The following DIS3L2 variants were observed in gnomAD, a reference collection of about 807,000 sequenced individuals.
The protein encoded by DIS3L2 is DIS3 like 3'-5' exoribonuclease 2.
Under a neutral mutation model 97.5 loss-of-function variants are expected in DIS3L2, and 34 were observed. The observed-to-expected ratio is 0.35, with a 90% CI of 0.27 to 0.46. The LOEUF (loss-of-function observed/expected upper bound fraction) is 0.46, where lower values mean the gene tolerates loss of function less well. Ranked by LOEUF, DIS3L2 falls within the 20% of genes least tolerant of loss-of-function variation. The pLI is 1.00. For missense variants in DIS3L2, 1,038 were observed against 1,146.0 expected (o/e 0.91, Z 1.36); for synonymous variants, 435 against 445.2 (o/e 0.98, Z 0.29).
rs1693536840 is a variant in DIS3L2, at chr2:232,255,526, G to A, written c.1425+6180G>A. Among the ~76,000 whole-genome samples the A allele has an allele frequency of 2.0e-5, 3 of 152,192 alleles. No individual in the cohort carries two copies. The South Asian group carries it at 6.2e-4, about 32-fold the overall frequency. On this transcript the variant is annotated intron_variant, in intron 12 of 20. Transcript: ENST00000325385. ...ACACTCACAAGAAAATCTTGGACAT[G>A]TATGCATTCATTAAGCTAGTGCTCA...
intron 10 of DIS3L2, among the ~76,000 whole-genome samples, chr2:232,219,422 T>C (rs1051594345): frequency 1.3e-5 from 2 of 152,184 alleles, no homozygotes; most frequent in Non-Finnish European, 2.9e-5. Flanking sequence ...GGTTCTTGCC[T>C]TGCCCCTTTA....
intron 1 of DIS3L2, among the ~76,000 whole-genome samples, chr2:231,962,270 GAGA>G (rs773336231): frequency 1.5e-4 from 18 of 119,914 alleles, no homozygotes; most frequent in Non-Finnish European, 2.5e-4. Flanking sequence ...ATTGATCATA[GAGA>G]GTTTTTTTTT....
chr2:232,243,920 C>T (rs1693175296), intron 11 of DIS3L2, among the ~76,000 whole-genome samples: 1 of 152,170 alleles, frequency 6.6e-6, no homozygotes, highest in South Asian at 2.1e-4. Flanking sequence ...ACCCTCTAGG[C>T]CCTCCTTCAT....
chr2:232,329,785 T>TCCCCGGGGGGGGGGCCCCCCC, intron 14 of DIS3L2, 28 bp from the exon 15 acceptor site: 2 of 967,142 alleles, frequency 2.1e-6, no homozygotes, highest in Non-Finnish European at 2.9e-6. Context: ...ACCCCAGCGG[T>TCCCCGGGGGGGGGGCCCCCCC]CCCTCCCATC....
At chr2:232,016,681 G>A (rs1027157306) in intron 3 of DIS3L2, among the ~76,000 whole-genome samples, 1 of 152,144 alleles carries the variant, frequency 6.6e-6, no homozygotes, top group Non-Finnish European at 1.5e-5. Context: ...TATCAGGCAG[G>A]TAGTAGGCTG....
Position 232,238,619 on chromosome 2 carries a change from G to T in DIS3L2, c.1291G>T (p.Ala431Ser). The change falls in exon 11 of 21, where the codon GCT becomes TCT. Residue 431 changes from alanine (A) to serine (S), a missense_variant. Ala to Ser is a moderately conservative substitution (Grantham distance 99, BLOSUM62 1). This residue lies in a region of DIS3L2 where 813 missense variants were observed against 880.1 expected (regional missense o/e 0.92). Coordinates refer to ENST00000325385, the MANE Select transcript of DIS3L2 (RefSeq NM_152383.5). ...SDLDKVAAERATSVYLVQKVV... is the reference protein window; with the variant it reads ...SDLDKVAAERSTSVYLVQKVV... ...TCTGGATAAAGTGGCTGCCGAGAGGGCTACAAGCGTCTACTTGGTTCAAAA... is the reference window on the plus strand; with the variant it reads ...TCTGGATAAAGTGGCTGCCGAGAGGTCTACAAGCGTCTACTTGGTTCAAAA... 1 of 1,614,154 alleles carries T rather than the reference G, an allele frequency of 6.2e-7. No individual in the cohort carries two copies. Among genetic ancestry groups the T allele is most frequent in the Non-Finnish European group, 8.5e-7 (1 of 1,180,018 alleles).
intron 3 of DIS3L2, among the ~76,000 whole-genome samples, chr2:232,020,767 A>C (rs749306417): frequency 1.3e-5 from 2 of 152,148 alleles, no homozygotes; most frequent in Non-Finnish European, 2.9e-5. Context: ...TCATCTGTAA[A>C]AGCAAGGATA....
chr2:232,052,223 C>T (rs1400836676), intron 5 of DIS3L2, among the ~76,000 whole-genome samples: 2 of 152,056 alleles, frequency 1.3e-5, no homozygotes, highest in Admixed American at 6.6e-5. Flanking sequence ...GGGGTTTTGC[C>T]GTGTTGGTCA....
In DIS3L2 at chr2:232,019,928, G is replaced by A. The variant is rs183482343; in HGVS notation, c.210+4257G>A. ...TAATTAGAGAGAGCCTCTTTAGTAG[G>A]GTCGTTAGGGAAAGCCTCTGTGAGA... is the stretch of plus-strand genomic sequence containing the variant. On this transcript the variant is annotated intron_variant, in intron 3 of 20. Coordinates refer to ENST00000325385, the MANE Select transcript of DIS3L2 (RefSeq NM_152383.5). Among the ~76,000 whole-genome samples the A allele has an allele frequency of 7.4e-4, 112 of 152,088 alleles. No homozygotes were observed. The South Asian group carries it at 9.1e-3, about 12-fold the overall frequency.
intron 6 of DIS3L2, among the ~76,000 whole-genome samples, chr2:232,111,777 CTGTGG>C (rs1697541489): frequency 6.6e-6 from 1 of 152,150 alleles, no homozygotes; most frequent in African/African-American, 2.4e-5. Context: ...GCTTGGAATT[CTGTGG>C]TGTAAGTAGT....
intron 14 of DIS3L2, among the ~76,000 whole-genome samples, chr2:232,317,571 G>A (rs1185663852): frequency 6.6e-6 from 1 of 151,956 alleles, no homozygotes; most frequent in African/African-American, 2.4e-5. Context: ...CGGGTAGCTG[G>A]GATTACAGGT....
chr2:232,202,899 C>T (rs1013004980), intron 9 of DIS3L2, among the ~76,000 whole-genome samples: 2 of 152,220 alleles, frequency 1.3e-5, no homozygotes, highest in African/African-American at 4.8e-5. Flanking sequence ...AGAAAAGGCG[C>T]AGCCCCACTG....
chr2:232,168,244 T>C (rs1690883438), intron 9 of DIS3L2, among the ~76,000 whole-genome samples: 1 of 152,182 alleles, frequency 6.6e-6, no homozygotes, highest in African/African-American at 2.4e-5. Flanking sequence ...GCAATAATTT[T>C]TTTTCTTATT....
intron 5 of DIS3L2, among the ~76,000 whole-genome samples, chr2:232,077,910 C>G (rs1696242099): frequency 6.6e-6 from 1 of 151,932 alleles, no homozygotes; most frequent in South Asian, 2.1e-4. Context: ...CTTTACTGTA[C>G]TTTGTTATAG....
chr2:232,045,190 G>A (rs1695203281), intron 5 of DIS3L2, among the ~76,000 whole-genome samples: 1 of 152,176 alleles, frequency 6.6e-6, no homozygotes, highest in African/African-American at 2.4e-5. Context: ...CATGTGAAGA[G>A]TAGAAAAGGC....
intron 14 of DIS3L2, among the ~76,000 whole-genome samples, chr2:232,324,639 GT>G (rs1695525382): frequency 6.6e-6 from 1 of 152,186 alleles, no homozygotes; most frequent in Non-Finnish European, 1.5e-5. Flanking sequence ...TTGCCAGAGG[GT>G]GGCTTTGTGG....
At chr2:232,102,871 C>T (rs1453711240) in intron 6 of DIS3L2, among the ~76,000 whole-genome samples, 1 of 152,134 alleles carries the variant, frequency 6.6e-6, no homozygotes. Context: ...CTGCTGTTTT[C>T]AGCTGGGTCT....
chr2:232,153,697 A>G (rs1301276250), intron 8 of DIS3L2, among the ~76,000 whole-genome samples: 2 of 137,400 alleles, frequency 1.5e-5, no homozygotes, highest in African/African-American at 2.9e-5. Context: ...GCTCTTCTCG[A>G]GGAGTATCTT....
At chr2:232,295,560 T>C (rs929011663) in intron 13 of DIS3L2, among the ~76,000 whole-genome samples, 1 of 152,206 alleles carries the variant, frequency 6.6e-6, no homozygotes, top group Non-Finnish European at 1.5e-5. Context: ...CTGTCAGCAT[T>C]GAAACAAGTC....
Sources: allele counts gnomAD v4.1 joint callset (sites outside exome capture counted in the v4.1 genomes callset), GRCh38; gene constraint gnomAD v4.1.1; regional missense constraint gnomAD v4.1.1; transcripts MANE v1.5; gene names NCBI Gene and HGNC (gene_info 2026-07-23, HGNC 2026-07-21).